BAG3: variants seen among roughly 807,000 people sequenced by gnomAD.
BAG3 encodes the protein BAG cochaperone 3, also known as BAG family molecular chaperone regulator 3.
A neutral mutation model predicts 40.5 loss-of-function variants in BAG3; 14 were observed. That is an observed-to-expected ratio of 0.35 (90% CI 0.23 to 0.54). The LOEUF is 0.54. Among genes scored for constraint, BAG3 ranks in the 20% least tolerant of loss-of-function variants. The pLI is 0.91. For synonymous variants in BAG3, 302 were observed against 307.8 expected (o/e 0.98, Z 0.20); for missense variants, 788 against 758.6 (o/e 1.04, Z -0.46).
rs1273513848 is a variant in BAG3, at chr10:119,676,516, C to T, written c.962C>T (p.Pro321Leu). 6.2e-7 allele frequency: 1 copy of T among 1,614,032 alleles called. No individual in the cohort carries two copies. Among genetic ancestry groups the T allele is most frequent in the Middle Eastern group, 1.6e-4 (1 of 6,062 alleles). ...CCTGTTTCCCAGCCTGAAAACAAAC[C>T]AGAAAGTAAGCCAGGCCCAGTTGGA... ...TAPVSQPENKPESKPGPVGPE... is the reference protein window; with the variant it reads ...TAPVSQPENKLESKPGPVGPE... The change falls in exon 4 of 4, where the codon CCA becomes CTA. Residue 321 changes from proline to leucine, a missense_variant. By Grantham distance (98) the Pro-to-Leu change is moderately conservative. Transcript: ENST00000369085.
chr10:119,654,450 T>C (rs986360728), intron 1 of BAG3, among the ~76,000 whole-genome samples: 7 of 152,198 alleles, frequency 4.6e-5, no homozygotes, highest in African/African-American at 1.7e-4. Context: ...GACTAGACCT[T>C]TGTATTTTAT....
At position 119,677,266 on chromosome 10, in the gene BAG3, A is replaced by G. The variant is rs749452009; in HGVS notation, c.1712A>G (p.Asn571Ser). 1 of 1,614,030 alleles carries G rather than the reference A, an allele frequency of 6.2e-7. No individual in the cohort carries two copies. The highest frequency in any genetic ancestry group is 1.1e-5 in the South Asian group (1 of 91,072). The change falls in exon 4 of 4, where the codon AAC becomes AGC. Residue 571 changes from asparagine (N) to serine (S), a missense_variant. Asn to Ser is a conservative substitution (Grantham distance 46, BLOSUM62 1). Coordinates refer to ENST00000369085, the MANE Select transcript of BAG3 (RefSeq NM_004281.4). ...AGCAGCATGACAGACACCCCTGGTAACCCAGCAGCACCGTAGCCTCTGCCC... is the reference window on the plus strand; with the variant it reads ...AGCAGCATGACAGACACCCCTGGTAGCCCAGCAGCACCGTAGCCTCTGCCC... ...NPSSMTDTPG[N>S]PAAP
chr10:119,669,500 C>T (rs924938017), intron 1 of BAG3, among the ~76,000 whole-genome samples: 15 of 152,242 alleles, frequency 9.9e-5, no homozygotes, highest in African/African-American at 3.6e-4. Flanking sequence ...AGCTCATCTT[C>T]TGATCCGGGT....
chr10:119,670,250 C>T lies in BAG3; in HGVS notation c.507+73C>T, dbSNP rs196326. The T allele has an allele frequency of 2.7e-6, 4 of 1,500,260 alleles. No homozygotes were observed. In the Admixed American group the frequency reaches 8.7e-5, roughly 33 times the overall value. The allele number at this position is 1,500,260 out of a possible 1,614,324, so 92.9% of individuals were successfully genotyped here. ...GCTTCCCAGGCCGGGCCCATCCCCTCAGGACAGTGCCCTGGGCCAGGCACC... is the reference window on the plus strand; with the variant it reads ...GCTTCCCAGGCCGGGCCCATCCCCTTAGGACAGTGCCCTGGGCCAGGCACC... On this transcript the variant is annotated intron_variant, in intron 2 of 3. Coordinates refer to ENST00000369085, the MANE Select transcript of BAG3 (RefSeq NM_004281.4).
intron 1 of BAG3, among the ~76,000 whole-genome samples, chr10:119,665,059 A>G (rs997236950): frequency 1.5e-5 from 2 of 130,734 alleles, no homozygotes; most frequent in African/African-American, 5.9e-5. Context: ...CTGGGATTAC[A>G]GGCACCCGCC....
At chr10:119,652,105 C>T (rs1846850821) in intron 1 of BAG3, among the ~76,000 whole-genome samples, 1 of 152,074 alleles carries the variant, frequency 6.6e-6, no homozygotes, top group South Asian at 2.1e-4. Context: ...GGGAAGCGAC[C>T]CCGCAGTGGC....
intron 3 of BAG3, among the ~76,000 whole-genome samples, chr10:119,674,289 G>A (rs1847189944): frequency 6.6e-6 from 1 of 152,240 alleles, no homozygotes; most frequent in Non-Finnish European, 1.5e-5. Context: ...TGGCGAAAGA[G>A]ATTTGATGGA....
rs1589628873 is a variant in BAG3, at chr10:119,670,010, T to C, written c.340T>C (p.Tyr114His). The C allele has an allele frequency of 9.9e-6, 16 of 1,614,234 alleles. No individual in the cohort carries two copies. The highest frequency in any genetic ancestry group is 1.4e-5 in the Non-Finnish European group (16 of 1,180,042). Residue 114 changes from tyrosine (Y) to histidine (H), a missense_variant, in exon 2 of 4, where the codon TAT becomes CAT. By Grantham distance (83) the Tyr-to-His change is moderately conservative. Transcript: ENST00000369085. ...ENRQVHPFHV[Y>H]PQPGMQRFRT... is the part of the protein sequence containing the mutation. Reference sequence around the variant, plus strand: ...CCGGCAGGTGCACCCTTTCCATGTCTATCCCCAGCCTGGGATGCAGCGATT... The same window carrying C: ...CCGGCAGGTGCACCCTTTCCATGTCCATCCCCAGCCTGGGATGCAGCGATT...
intron 3 of BAG3, among the ~76,000 whole-genome samples, chr10:119,675,058 G>A (rs774732061): frequency 4.6e-5 from 7 of 151,146 alleles, no homozygotes; most frequent in South Asian, 4.2e-4. Flanking sequence ...CTTACTAGGC[G>A]TGGTGGCTCA....
intron 1 of BAG3, among the ~76,000 whole-genome samples, chr10:119,663,493 G>C (rs558580745): frequency 2.4e-4 from 37 of 152,146 alleles, no homozygotes; most frequent in South Asian, 1.7e-3. Context: ...GAAGAGACAG[G>C]GTTTTGTCAT....
At chr10:119,654,516 G>T (rs1470138526) in intron 1 of BAG3, among the ~76,000 whole-genome samples, 1 of 152,220 alleles carries the variant, frequency 6.6e-6, no homozygotes, top group Non-Finnish European at 1.5e-5. Context: ...GAAGTAGTTA[G>T]GACAACTCCC....
chr10:119,660,052 C>A, intron 1 of BAG3, among the ~76,000 whole-genome samples: 1 of 152,216 alleles, frequency 6.6e-6, no homozygotes, highest in Non-Finnish European at 1.5e-5. Context: ...AGGGCTGGGG[C>A]TGCAGGGAGG....
At position 119,672,752 on chromosome 10, in the gene BAG3, C is replaced by G; in HGVS notation, c.909+96C>G. Reference sequence around the variant, plus strand: ...GCCCTGGGTTCCCCCTTCATCCCTGCCTATTTAACATGCGTGTACCTACAG... The same window carrying G: ...GCCCTGGGTTCCCCCTTCATCCCTGGCTATTTAACATGCGTGTACCTACAG... On this transcript the variant is annotated intron_variant, in intron 3 of 3. Transcript: ENST00000369085. This position sits in a 1 kb window ranked among gnomAD's most constrained non-coding sequence, Gnocchi z 4.8. The G allele has an allele frequency of 1.9e-6, 3 of 1,544,088 alleles. No homozygotes were observed. The South Asian group carries it at 3.4e-5, about 18-fold the overall frequency.
intron 1 of BAG3, among the ~76,000 whole-genome samples, chr10:119,656,091 A>G (rs1468078652): frequency 6.6e-6 from 1 of 152,212 alleles, no homozygotes. Flanking sequence ...TCTGATGTTT[A>G]TCATCCAAAG....
chr10:119,671,605 G>A (rs1461680961), intron 2 of BAG3, among the ~76,000 whole-genome samples: 1 of 152,084 alleles, frequency 6.6e-6, no homozygotes, highest in Non-Finnish European at 1.5e-5. Context: ...TGCTGGCCTG[G>A]GGCTGAGGCA....
intron 1 of BAG3, among the ~76,000 whole-genome samples, chr10:119,661,499 G>A (rs951130285): frequency 2.0e-5 from 3 of 152,062 alleles, no homozygotes; most frequent in African/African-American, 7.2e-5. Context: ...TTGAAGACCC[G>A]GGCTCATGCT....
chr10:119,659,558 C>T (rs1161031358), intron 1 of BAG3, among the ~76,000 whole-genome samples: 2 of 152,220 alleles, frequency 1.3e-5, no homozygotes, highest in Non-Finnish European at 2.9e-5. Context: ...GAAGCCACTG[C>T]AGGTGGGAGC....
In BAG3 at chr10:119,652,147, G is replaced by T. The variant is rs1467780881; in HGVS notation, c.180+292G>T. ...GCCGTCCACGGCTCGACTCCAGGGC[G>T]GAAGGCCGGGTGTCCAGCGCTGGCC... On this transcript the variant is annotated intron_variant, in intron 1 of 3. Transcript: ENST00000369085. Among the ~76,000 whole-genome samples, 3 of 152,196 alleles carry T rather than the reference G, an allele frequency of 2.0e-5. No homozygotes were observed. In the East Asian group the frequency reaches 5.8e-4, roughly 29 times the overall value.
intron 3 of BAG3, among the ~76,000 whole-genome samples, chr10:119,675,804 CCCCCCTTCCCTGCTTCCTTCCCCCTT>C (rs1192355051): frequency 6.5e-5 from 3 of 46,432 alleles, no homozygotes; most frequent in Admixed American, 2.2e-4. Flanking sequence ...CCTTCCCCTT[CCCCCCTTCCCTGCTTCCTTCCCCCTT>C]CCCCCTTCCC....
Sources: allele counts gnomAD v4.1 joint callset (sites outside exome capture counted in the v4.1 genomes callset), GRCh38; gene constraint gnomAD v4.1.1; non-coding constraint Gnocchi (gnomAD v3.1); transcripts MANE v1.5; gene names NCBI Gene and HGNC (gene_info 2026-07-23, HGNC 2026-07-21).